NAPEPLD: variants seen among roughly 807,000 people sequenced by gnomAD.
NAPEPLD encodes the protein N-acyl-phosphatidylethanolamine-hydrolyzing phospholipase D.
In NAPEPLD, 23 loss-of-function variants were observed where a neutral mutation model predicts 38.1. The ratio of observed to expected loss-of-function variants is 0.60; its 90% CI spans 0.43 to 0.86. The LOEUF is 0.86. Ranked by LOEUF, NAPEPLD falls within the 40% of genes least tolerant of loss-of-function variation. The probability of loss-of-function intolerance (pLI) is 0.00; values close to 1 mark genes in which losing one functional copy is unlikely to be tolerated. For missense variants in NAPEPLD, 411 were observed against 476.8 expected, an observed-to-expected ratio of 0.86 and a Z score of 1.28; for synonymous variants, 147 against 162.0, an observed-to-expected ratio of 0.91 and a Z score of 0.71.
Position 103,148,837 on chromosome 7 carries a change from C to G in NAPEPLD, c.-43G>C, listed in dbSNP as rs925159920. On this transcript the variant is annotated 5_prime_UTR_variant, in exon 1 of 5. Coordinates refer to ENST00000465647, the MANE Select transcript of NAPEPLD (RefSeq NM_001122838.3). ...TGTATTCCTATCAGTGAAGATGCAA[C>G]CTGGTAATTTGCAGGGAAGATAGGA... The G allele has an allele frequency of 5.1e-6, 5 of 985,348 alleles. No individual in the cohort carries two copies. The highest frequency in any genetic ancestry group is 6.0e-6 in the Non-Finnish European group (5 of 829,924). 61.0% of individuals were successfully genotyped at this position (985,348 alleles called of 1,614,324 possible).
chr7:103,141,388 G>T, intron 1 of NAPEPLD: 1 of 813,752 alleles, frequency 1.2e-6, no homozygotes, highest in Non-Finnish European at 2.2e-6. Flanking sequence ...AAGTCTTGAT[G>T]ATCTCCTCCT....
At chr7:103,137,676 T>G (rs1241583462) in intron 1 of NAPEPLD, among the ~76,000 whole-genome samples, 6 of 150,860 alleles carry the variant, frequency 4.0e-5, no homozygotes, top group Middle Eastern at 3.4e-3. Flanking sequence ...TCAGGCCAGG[T>G]GTGGTGGTGC....
rs1805296106 is a variant in NAPEPLD, at chr7:103,115,071, A to C, written c.1045T>G (p.Leu349Val). The C allele has an allele frequency of 6.2e-7, 1 of 1,612,528 alleles. No individual in the cohort carries two copies. The highest frequency in any genetic ancestry group is 8.5e-7 in the Non-Finnish European group (1 of 1,179,184). The change falls in exon 4 of 5, where the codon TTA (leucine) becomes GTA (valine). Residue 349 changes from leucine (L) to valine (V), a missense_variant. Transcript: ENST00000465647. ...GCAATCAAACTTACCTCATTTGCTA[A>C]GGCAAAAGTTCCCCAGTGAATTGCC... is the stretch of plus-strand genomic sequence containing the variant. ...SMAIHWGTFA[L>V]ANEHYLEPPV... is the part of the protein sequence containing the mutation.
At chr7:103,106,012 TG>T (rs949894454) in intron 4 of NAPEPLD, among the ~76,000 whole-genome samples, 34 of 133,588 alleles carry the variant, frequency 2.5e-4, no homozygotes, top group Non-Finnish European at 4.9e-4. Context: ...ACACAGAAGG[TG>T]GGTGATTTCT....
rs1166250199 is a variant in NAPEPLD, at chr7:103,100,356, G to A, written c.*3073C>T. ...TTTAGCAGCAGTAGATTCTAAAACTGTGTCTTCTTGTCCTCTCATTAGTTT... is the reference window on the plus strand; with the variant it reads ...TTTAGCAGCAGTAGATTCTAAAACTATGTCTTCTTGTCCTCTCATTAGTTT... On this transcript the variant is annotated 3_prime_UTR_variant, in exon 5 of 5. Transcript: ENST00000465647. The A allele has an allele frequency of 6.6e-6, 1 of 152,184 alleles. No individual in the cohort carries two copies. 9.4% of individuals were successfully genotyped at this position (152,184 alleles called of 1,614,324 possible). A position where few individuals can be genotyped will look rare whatever the true frequency, so the allele number is the denominator to read the frequency against.
chr7:103,121,897 G>C (rs550512695), intron 2 of NAPEPLD, among the ~76,000 whole-genome samples: 1 of 152,258 alleles, frequency 6.6e-6, no homozygotes, highest in African/African-American at 2.4e-5. Context: ...ACAGTGACTT[G>C]TGTGAGTTCC....
chr7:103,111,241 C>T (rs1804469940), intron 4 of NAPEPLD, among the ~76,000 whole-genome samples: 1 of 152,102 alleles, frequency 6.6e-6, no homozygotes. Context: ...ACTTTCTTCA[C>T]AGAACTGGAA....
At chr7:103,128,901 T>C (rs1808375137) in intron 1 of NAPEPLD, 109 bp from the exon 2 acceptor site, 2 of 1,158,246 alleles carry the variant, frequency 1.7e-6, no homozygotes, top group African/African-American at 1.6e-5. Flanking sequence ...TATAAAAATA[T>C]TATGTCTGTA....
chr7:103,108,344 T>C (rs1803825202), intron 4 of NAPEPLD, among the ~76,000 whole-genome samples: 2 of 152,126 alleles, frequency 1.3e-5, no homozygotes, highest in African/African-American at 4.8e-5. Flanking sequence ...GGTTTCACCA[T>C]GTTGGTCAGG....
intron 1 of NAPEPLD, among the ~76,000 whole-genome samples, chr7:103,132,325 G>C (rs2129531996): frequency 6.6e-6 from 1 of 152,306 alleles, no homozygotes; most frequent in Non-Finnish European, 1.5e-5. Context: ...TGAGGAGGCA[G>C]TGCAATGAGA....
At position 103,120,198 on chromosome 7, in the gene NAPEPLD, A is replaced by G. The variant is rs1289435011; in HGVS notation, c.320T>C (p.Leu107Pro). ...AGGGTTAGTGATAAAATATGGCTTA[A>G]GCACTGGGAGTTCTTTGTCTAGTTC... is the stretch of plus-strand genomic sequence containing the variant. ...KEELDKELPV[L>P]KPYFITNPEE... Residue 107 changes from leucine to proline, a missense_variant, in exon 3 of 5, where the codon CTT becomes CCT. Leu to Pro is a moderately conservative substitution (Grantham distance 98). Coordinates refer to ENST00000465647, the MANE Select transcript of NAPEPLD (RefSeq NM_001122838.3). 1 of 1,613,772 alleles carries G rather than the reference A, an allele frequency of 6.2e-7. No homozygotes were observed. Among genetic ancestry groups the G allele is most frequent in the East Asian group, 2.2e-5 (1 of 44,884 alleles).
In NAPEPLD at chr7:103,101,960, A is replaced by G. The variant is rs1217054389; in HGVS notation, c.*1469T>C. Reference sequence around the variant, plus strand: ...GAAGGGTCAGAATAATCAAGTGAATACAGAGTCCTTATTAGGACTAAATCT... The same window carrying G: ...GAAGGGTCAGAATAATCAAGTGAATGCAGAGTCCTTATTAGGACTAAATCT... On this transcript the variant is annotated 3_prime_UTR_variant, in exon 5 of 5. Coordinates refer to ENST00000465647, the MANE Select transcript of NAPEPLD (RefSeq NM_001122838.3). 1.3e-5 allele frequency: 2 copies of G among 151,968 alleles called. No individual in the cohort carries two copies. The highest frequency in any genetic ancestry group is 1.3e-4 in the Admixed American group (2 of 15,254). 9.4% of individuals were successfully genotyped at this position (151,968 alleles called of 1,614,324 possible).
upstream of NAPEPLD, chr7:103,149,291 G>A: frequency 5.6e-6 from 6 of 1,070,162 alleles, no homozygotes; most frequent in South Asian, 1.1e-4. Flanking sequence ...CGCGCTTGGG[G>A]TGGCCGGGAG....
chr7:103,114,364 A>G (rs1360527268), intron 4 of NAPEPLD, among the ~76,000 whole-genome samples: 2 of 152,198 alleles, frequency 1.3e-5, no homozygotes, highest in Non-Finnish European at 2.9e-5. Context: ...TAGGAATAAA[A>G]TCACATTTAT....
intron 1 of NAPEPLD, among the ~76,000 whole-genome samples, chr7:103,146,344 CAAAA>C (rs200723040): frequency 2.1e-5 from 2 of 96,648 alleles, no homozygotes; most frequent in Non-Finnish European, 4.4e-5. Context: ...GACTCCGTCT[CAAAA>C]AAAAAAAAAA....
intron 1 of NAPEPLD, among the ~76,000 whole-genome samples, chr7:103,135,699 A>G (rs1809886828): frequency 6.6e-6 from 1 of 151,514 alleles, no homozygotes; most frequent in Non-Finnish European, 1.5e-5. Flanking sequence ...TCAAAAATAG[A>G]ACATACACGC....
At chr7:103,128,370 C>T (rs763255608) in intron 2 of NAPEPLD, 113 bp downstream of exon 2, 3 of 1,258,576 alleles carry the variant, frequency 2.4e-6, no homozygotes, top group African/African-American at 1.5e-5. Context: ...TTACACCTAT[C>T]CACTTTATCT....
At position 103,100,526 on chromosome 7, in the gene NAPEPLD, A is replaced by G. The variant is rs1048186929; in HGVS notation, c.*2903T>C. On this transcript the variant is annotated 3_prime_UTR_variant, in exon 5 of 5. Transcript: ENST00000465647. ...TAGGTCACGGCATATGTTGGCTTTT[A>G]TAATTTGGGATTTCTCCTAATTGAT... 3.9e-5 allele frequency: 6 copies of G among 152,242 alleles called. No homozygotes were observed. The highest frequency in any genetic ancestry group is 1.4e-4 in the African/African-American group (6 of 41,464). 9.4% of individuals were successfully genotyped at this position (152,242 alleles called of 1,614,324 possible). A position where few individuals can be genotyped will look rare whatever the true frequency, so the allele number is the denominator to read the frequency against.
chr7:103,130,809 C>T (rs1356618876), intron 1 of NAPEPLD, among the ~76,000 whole-genome samples: 1 of 152,136 alleles, frequency 6.6e-6, no homozygotes, highest in Non-Finnish European at 1.5e-5. Context: ...GTTACCCAGG[C>T]TGACCTGGAA....
Sources: allele counts gnomAD v4.1 joint callset (sites outside exome capture counted in the v4.1 genomes callset), GRCh38; gene constraint gnomAD v4.1.1; transcripts MANE v1.5; gene names NCBI Gene and HGNC (gene_info 2026-07-23, HGNC 2026-07-21).